Variants in NSD2 observed in about 807,000 individuals in gnomAD.
NSD2 encodes the protein nuclear receptor binding SET domain protein 2.
In NSD2, 12 loss-of-function variants were observed where a neutral mutation model predicts 139.0. The ratio of observed to expected loss-of-function variants is 0.09; its 90% confidence interval spans 0.06 to 0.14. The LOEUF (loss-of-function observed/expected upper bound fraction) is 0.14, where lower values mean the gene tolerates loss of function less well. Among genes scored for constraint, NSD2 ranks in the 10% least tolerant of loss-of-function variants. NSD2 has a pLI of 1.00. For synonymous variants in NSD2, 669 were observed against 648.7 expected (o/e 1.03, Z -0.48); for missense variants, 1,155 against 1,745.0 (o/e 0.66, Z 6.02).
In NSD2 at chr4:1,955,877, A is replaced by G; in HGVS notation, c.2675+28A>G. On this transcript the variant is annotated intron_variant, in intron 14 of 21. Transcript: ENST00000508803. The surrounding 1 kb of genome is among the most constrained non-coding windows in gnomAD (Gnocchi z 4.7). ...GTGAGACATAGAATCGTATGCTTTT[A>G]TGTCTTTTCTGTTCACATGTGTTCG... 2 of 1,611,416 alleles carry G rather than the reference A, an allele frequency of 1.2e-6. No individual in the cohort carries two copies. Among genetic ancestry groups the G allele is most frequent in the Non-Finnish European group, 1.7e-6 (2 of 1,177,770 alleles).
chr4:1,943,035 C>G lies in NSD2; in HGVS notation c.1881+3257C>G, dbSNP rs775974209. ...ATTTAACCCTTTTGATCCAAGGCCCCGGACCAAGGGGATACTGTAATCAGG... is the reference window on the plus strand; with the variant it reads ...ATTTAACCCTTTTGATCCAAGGCCCGGGACCAAGGGGATACTGTAATCAGG... On this transcript the variant is annotated intron_variant, in intron 9 of 21. Transcript: ENST00000508803. 3.8e-6 allele frequency: 4 copies of G among 1,049,704 alleles called. No individual in the cohort carries two copies. The South Asian group carries it at 1.4e-4, about 36-fold the overall frequency. 65.0% of individuals were successfully genotyped at this position (1,049,704 alleles called of 1,614,324 possible). A position where few individuals can be genotyped will look rare whatever the true frequency, so the allele number is the denominator to read the frequency against.
At chr4:1,906,103 T>C (rs879889271) in intron 3 of NSD2, among the ~76,000 whole-genome samples, 15 of 152,208 alleles carry the variant, frequency 9.9e-5, no homozygotes, top group Non-Finnish European at 2.1e-4. Context: ...CAAGCAGCTC[T>C]TACTGATTTC....
In NSD2 at chr4:1,979,118, G is replaced by C. The variant is rs1727481068; in HGVS notation, c.*209G>C. 1 of 505,606 alleles carries C rather than the reference G, an allele frequency of 2.0e-6. No homozygotes were observed. The highest frequency in any genetic ancestry group is 3.2e-6 in the Non-Finnish European group (1 of 309,228). 31.3% of individuals were successfully genotyped at this position (505,606 alleles called of 1,614,324 possible). On this transcript the variant is annotated 3_prime_UTR_variant, in exon 22 of 22. Transcript: ENST00000508803. ...CTGCACTGATGACCGTCTGAGCCCA[G>C]CTCAGCGTTCCTGGACAAACAGCCT...
At chr4:1,882,436 G>A (rs904536253) in intron 1 of NSD2, among the ~76,000 whole-genome samples, 6 of 152,228 alleles carry the variant, frequency 3.9e-5, no homozygotes, top group African/African-American at 9.6e-5. Context: ...AGGCCGAGGC[G>A]GGTGGACACG....
Position 1,904,364 on chromosome 4 carries a change from A to T in NSD2, c.746A>T (p.Tyr249Phe). The change falls in exon 3 of 22, where the codon TAT becomes TTT. Residue 249 changes from tyrosine (Y) to phenylalanine (F), a missense_variant. Physicochemically the swap from Tyr to Phe is conservative, Grantham distance 22 (BLOSUM62 3). Around this residue, in one of 8 missense-constraint regions of NSD2, gnomAD observed 34 missense variants for 75.2 expected, o/e 0.45. Transcript: ENST00000508803. ...MVSADPLLHS[Y>F]TKLKGQKKSA... ...TCTGCAGATCCACTCCTTCACAGCT[A>T]TACCAAACTTAAAGGTATTGTGTTC... The T allele has an allele frequency of 5.0e-6, 8 of 1,612,042 alleles. No homozygotes were observed. The highest frequency in any genetic ancestry group is 6.8e-6 in the Non-Finnish European group (8 of 1,179,132).
intron 1 of NSD2, among the ~76,000 whole-genome samples, chr4:1,872,629 A>AGAGAGAGAGGGAGAGAGG (rs1553856461): frequency 7.0e-6 from 1 of 142,600 alleles, no homozygotes; most frequent in Non-Finnish European, 1.5e-5. Context: ...AGAGAGAGAG[A>AGAGAGAGAGGGAGAGAGG]GAGAGAGCGC....
At chr4:1,920,771 C>A (rs866704634) in intron 5 of NSD2, among the ~76,000 whole-genome samples, 1 of 151,454 alleles carries the variant, frequency 6.6e-6, no homozygotes, top group African/African-American at 2.4e-5. Flanking sequence ...TGGCAGCTCA[C>A]ACCTGTCATC....
At chr4:1,965,070 A>G (rs1725747422) in intron 18 of NSD2, among the ~76,000 whole-genome samples, 1 of 148,902 alleles carries the variant, frequency 6.7e-6, no homozygotes, top group African/African-American at 2.5e-5. Flanking sequence ...AAAAAAAAAA[A>G]AAAAAGCCTA....
chr4:1,960,460 CTG>C (rs1049635937), intron 17 of NSD2, among the ~76,000 whole-genome samples: 4 of 152,230 alleles, frequency 2.6e-5, no homozygotes, highest in African/African-American at 9.6e-5. Context: ...TGCTCCCAGA[CTG>C]TGTCCCAAGG....
At chr4:1,947,553 AGAT>A in intron 9 of NSD2, 2 of 1,053,408 alleles carry the variant, frequency 1.9e-6, no homozygotes, top group Non-Finnish European at 2.3e-6. Context: ...ATAGTATTTT[AGAT>A]GATGAGTGAC....
At chr4:1,959,216 C>T (rs551120740) in intron 16 of NSD2, among the ~76,000 whole-genome samples, 2 of 152,246 alleles carry the variant, frequency 1.3e-5, no homozygotes, top group South Asian at 2.1e-4. Flanking sequence ...TGTTCATCAG[C>T]GATGTGCACA....
chr4:1,890,063 A>G (rs1445744192), intron 1 of NSD2, among the ~76,000 whole-genome samples: 2 of 152,172 alleles, frequency 1.3e-5, no homozygotes, highest in Non-Finnish European at 1.5e-5. Context: ...GACATTTTAC[A>G]TAAATGGAAT....
chr4:1,904,112 G>A, intron 2 of NSD2, 104 bp from the exon 3 acceptor site: 1 of 1,274,536 alleles, frequency 7.8e-7, no homozygotes, highest in Non-Finnish European at 1.1e-6. Flanking sequence ...ATTTTTGGGG[G>A]TCTGTGTGTA....
chr4:1,910,244 T>C (rs1048223195), intron 3 of NSD2, among the ~76,000 whole-genome samples: 1 of 151,934 alleles, frequency 6.6e-6, no homozygotes, highest in Admixed American at 6.6e-5. Context: ...TTTTTTTTTT[T>C]CGAGACAGTC....
chr4:1,905,001 ACG>A (rs1390504887), intron 3 of NSD2, among the ~76,000 whole-genome samples: 57 of 152,118 alleles, frequency 3.7e-4, no homozygotes, highest in African/African-American at 1.4e-3. Context: ...GTGGTGGTGC[ACG>A]CCTGTAATCC....
At chr4:1,975,461 A>T (rs1726973494) in intron 20 of NSD2, 61 bp downstream of exon 20, 1 of 1,481,670 alleles carries the variant, frequency 6.7e-7, no homozygotes, top group Non-Finnish European at 9.4e-7. Flanking sequence ...ACTCCTGGAG[A>T]CCTGTGTCCC....
intron 21 of NSD2, among the ~76,000 whole-genome samples, chr4:1,977,707 C>T (rs140478979): frequency 0.014 from 2,108 of 150,144 alleles, 34 homozygotes; most frequent in Non-Finnish European, 0.018. Flanking sequence ...ACCCGGGAGG[C>T]GGAGGTTGCA....
At position 1,918,191 on chromosome 4, in the gene NSD2, T is replaced by C. The variant is rs1158013235; in HGVS notation, c.978T>C (p.Ile326=). 3 of 1,613,220 alleles carry C rather than the reference T, an allele frequency of 1.9e-6. No individual in the cohort carries two copies. In the African/African-American group the frequency reaches 4.0e-5, roughly 22 times the overall value. Residue 326 remains isoleucine, a synonymous_variant, in exon 5 of 22, where the codon ATT becomes ATC. Coordinates refer to ENST00000508803, the MANE Select transcript of NSD2 (RefSeq NM_001042424.3). ...TGAGGGCCCAGTGGGAAATGGGCAT[T>C]GTTCAAGCAGAAGAAGCTGCAAGCA... The part of the protein sequence containing the change: ...GKLRAQWEMG[I]VQAEEAASMS...
At chr4:1,909,831 G>C (rs1718426005) in intron 3 of NSD2, among the ~76,000 whole-genome samples, 1 of 151,790 alleles carries the variant, frequency 6.6e-6, no homozygotes, top group South Asian at 2.1e-4. Flanking sequence ...AGTAGAGCTG[G>C]GGTTTCACCA....
Sources: gnomAD v4.1 joint callset for allele counts (sites outside exome capture counted in the v4.1 genomes callset) on GRCh38, gnomAD v4.1.1 for gene constraint, gnomAD v4.1.1 regional missense constraint, Gnocchi (gnomAD v3.1) non-coding constraint, MANE v1.5 for transcripts, NCBI Gene and HGNC (gene_info 2026-07-23, HGNC 2026-07-21) for gene names.